Variants in FARS2 observed in about 807,000 individuals in gnomAD.
The protein encoded by FARS2 is phenylalanyl-tRNA synthetase 2, mitochondrial, also known as phenylalanine--tRNA ligase, mitochondrial.
FARS2 carries 40 observed loss-of-function variants against 46.4 expected under a neutral mutation model. The ratio of observed to expected loss-of-function variants is 0.86; its 90% CI spans 0.67 to 1.12. The LOEUF (loss-of-function observed/expected upper bound fraction) is 1.12. Among genes scored for constraint, FARS2 ranks in the 50% most tolerant of loss-of-function variants. FARS2 has a pLI of 0.00. For synonymous variants in FARS2, 234 were observed against 214.9 expected, an observed-to-expected ratio of 1.09 and a Z score of -0.78; for missense variants, 513 against 567.9, an observed-to-expected ratio of 0.90 and a Z score of 0.98.
In FARS2 at chr6:5,373,154, A is replaced by T. The variant is rs1362253703; in HGVS notation, c.612+3972A>T. 2.0e-5 allele frequency among the ~76,000 whole-genome samples: 3 copies of T among 152,124 alleles called. No homozygotes were observed. The East Asian group carries it at 5.8e-4, about 29-fold the overall frequency. Reference sequence around the variant, plus strand: ...AGGGACACAGCAGTACTTGAGAGAAAAGGAGAGCTTCCTTAGGGGTCTCTC... The same window carrying T: ...AGGGACACAGCAGTACTTGAGAGAATAGGAGAGCTTCCTTAGGGGTCTCTC... On this transcript the variant is annotated intron_variant, in intron 2 of 6. Transcript: ENST00000274680.
chr6:5,595,384 G>A (rs568537514), intron 5 of FARS2, among the ~76,000 whole-genome samples: 3 of 152,220 alleles, frequency 2.0e-5, no homozygotes, highest in East Asian at 1.9e-4. Flanking sequence ...ATAGGTTTTC[G>A]CTTCTGTCGG....
chr6:5,352,876 G>T (rs551007049), intron 1 of FARS2, among the ~76,000 whole-genome samples: 1 of 152,060 alleles, frequency 6.6e-6, no homozygotes, highest in African/African-American at 2.4e-5. Context: ...AGGGTATTTA[G>T]CATTTCTGTC....
intron 1 of FARS2, among the ~76,000 whole-genome samples, chr6:5,292,612 A>G (rs1346662080): frequency 2.0e-5 from 3 of 152,162 alleles, no homozygotes. Context: ...GTAAATGCAG[A>G]AGGTGGTATT....
intron 5 of FARS2, among the ~76,000 whole-genome samples, chr6:5,546,876 TTTTTCATCC>T (rs1333767436): frequency 6.6e-6 from 1 of 152,052 alleles, no homozygotes; most frequent in Non-Finnish European, 1.5e-5. Flanking sequence ...AATGCTTGAT[TTTTTCATCC>T]ATTTCATCCA....
intron 4 of FARS2, among the ~76,000 whole-genome samples, chr6:5,542,198 C>T (rs1362280666): frequency 6.6e-6 from 1 of 152,104 alleles, no homozygotes; most frequent in Non-Finnish European, 1.5e-5. Flanking sequence ...CTCAGAATGC[C>T]TCACCTCCTG....
intron 5 of FARS2, among the ~76,000 whole-genome samples, chr6:5,605,037 A>G (rs1187172408): frequency 3.9e-5 from 6 of 152,252 alleles, no homozygotes; most frequent in Admixed American, 1.3e-4. Context: ...CCATTGTGTG[A>G]GGAAACAGAG....
At chr6:5,751,075 A>C (rs974030217) in intron 6 of FARS2, among the ~76,000 whole-genome samples, 1 of 151,940 alleles carries the variant, frequency 6.6e-6, no homozygotes, top group Admixed American at 6.6e-5. Flanking sequence ...GTTTTTTCTG[A>C]GTTGTACGAT....
chr6:5,698,308 G>A (rs375511623), intron 6 of FARS2, among the ~76,000 whole-genome samples: 27 of 152,238 alleles, frequency 1.8e-4, no homozygotes, highest in East Asian at 1.2e-3. Context: ...CTGCAGGCAC[G>A]TCACATGGCG....
intron 6 of FARS2, among the ~76,000 whole-genome samples, chr6:5,642,456 TA>T (rs908728228): frequency 1.5e-4 from 22 of 151,544 alleles, no homozygotes; most frequent in Non-Finnish European, 2.2e-4. Context: ...AAAATGTTAC[TA>T]AAAAAAAATT....
At chr6:5,587,652 A>G (rs1483606088) in intron 5 of FARS2, among the ~76,000 whole-genome samples, 1 of 152,212 alleles carries the variant, frequency 6.6e-6, no homozygotes, top group East Asian at 1.9e-4. Flanking sequence ...TGAGAATCTT[A>G]TGAAAGAAAC....
intron 6 of FARS2, among the ~76,000 whole-genome samples, chr6:5,714,791 G>A (rs755216698): frequency 6.6e-6 from 1 of 152,036 alleles, no homozygotes; most frequent in East Asian, 1.9e-4. Context: ...TTGGGAGGCC[G>A]AGGTGGGTGG....
intron 6 of FARS2, among the ~76,000 whole-genome samples, chr6:5,632,161 C>T (rs1373396201): frequency 3.3e-5 from 5 of 152,100 alleles, no homozygotes; most frequent in South Asian, 2.1e-4. Flanking sequence ...TAAAATGTCC[C>T]GTAGGTGTAT....
At chr6:5,609,522 C>T in intron 5 of FARS2, 3 of 1,246,598 alleles carry the variant, frequency 2.4e-6, no homozygotes, top group Admixed American at 1.7e-5. Flanking sequence ...ACCATGACCA[C>T]TGAAGTTTCC....
rs973106444 is a variant in FARS2 at position 5,311,486 on chromosome 6, A to G, written c.-22+49826A>G. Among the ~76,000 whole-genome samples the G allele has an allele frequency of 2.6e-5, 4 of 152,214 alleles. No individual in the cohort carries two copies. Among genetic ancestry groups the G allele is most frequent in the Non-Finnish European group, 4.4e-5 (3 of 68,040 alleles). ...AACAGTTATCTGAGTATGATGTTAC[A>G]GAACTTTTCCCTCTTTTTACTTCTG... On this transcript the variant is annotated intron_variant, in intron 1 of 6. Coordinates refer to ENST00000274680, the MANE Select transcript of FARS2 (RefSeq NM_006567.5). This position sits in a 1 kb window ranked among gnomAD's most constrained non-coding sequence, Gnocchi z 4.1.
At chr6:5,380,991 T>C (rs1759727669) in intron 2 of FARS2, among the ~76,000 whole-genome samples, 1 of 141,690 alleles carries the variant, frequency 7.1e-6, no homozygotes, top group Admixed American at 7.1e-5. Context: ...TATTTATTTA[T>C]TTATTTATTT....
chr6:5,305,758 A>G (rs1768654788), intron 1 of FARS2, among the ~76,000 whole-genome samples: 1 of 152,102 alleles, frequency 6.6e-6, no homozygotes, highest in South Asian at 2.1e-4. Context: ...CTCTCCCACT[A>G]TAGCCCCTAC....
chr6:5,341,204 TATATATATATATATATATATA>T (rs1561969605), intron 1 of FARS2, among the ~76,000 whole-genome samples: 4 of 4,716 alleles, frequency 8.5e-4, no homozygotes, highest in Non-Finnish European at 1.1e-3. Flanking sequence ...TATATATATA[TATATATATATATATATATATA>T]TATATATATA....
intron 4 of FARS2, among the ~76,000 whole-genome samples, chr6:5,515,342 A>G (rs956491085): frequency 2.6e-5 from 4 of 152,212 alleles, no homozygotes; most frequent in African/African-American, 7.2e-5. Context: ...GACTCAGACA[A>G]TGACTATGAT....
At chr6:5,564,847 A>G (rs1179102402) in intron 5 of FARS2, among the ~76,000 whole-genome samples, 2 of 152,220 alleles carry the variant, frequency 1.3e-5, no homozygotes, top group Non-Finnish European at 1.5e-5. Context: ...AGAAAGTGTC[A>G]TTCTTTACTG....
Sources: allele counts gnomAD v4.1 joint callset (sites outside exome capture counted in the v4.1 genomes callset), GRCh38; gene constraint gnomAD v4.1.1; non-coding constraint Gnocchi (gnomAD v3.1); transcripts MANE v1.5; gene names NCBI Gene and HGNC (gene_info 2026-07-23, HGNC 2026-07-21).